The following TVP23C variants were observed in gnomAD, a reference collection of about 807,000 sequenced individuals.
TVP23C encodes the protein trans-golgi network vesicle protein 23 homolog C, also known as Golgi apparatus membrane protein TVP23 homolog C.
TVP23C carries 19 observed loss-of-function variants against 28.7 expected under a neutral mutation model. That is an observed-to-expected ratio of 0.66 (90% CI 0.46 to 0.97). TVP23C has a LOEUF of 0.97. Ranked by LOEUF, TVP23C falls within the 50% of genes least tolerant of loss-of-function variation. The pLI is 0.00. For synonymous variants in TVP23C, 68 were observed against 81.7 expected, an observed-to-expected ratio of 0.83 and a Z score of 0.90; for missense variants, 186 against 241.3, an observed-to-expected ratio of 0.77 and a Z score of 1.52.
chr17:15,539,243 A>T lies in TVP23C; in HGVS notation c.*1169T>A, dbSNP rs1403666123. 3.0e-6 allele frequency: 3 copies of T among 985,152 alleles called. 1 individual carries two copies. In the African/African-American group the frequency reaches 5.2e-5, roughly 17 times the overall value. 61.0% of individuals were successfully genotyped at this position (985,152 alleles called of 1,614,324 possible). A position where few individuals can be genotyped will look rare whatever the true frequency, so the allele number is the denominator to read the frequency against. On this transcript the variant is annotated 3_prime_UTR_variant, in exon 6 of 6. Coordinates refer to ENST00000518321, the MANE Select transcript of TVP23C (RefSeq NM_001135036.2). ...ATTCTCATGTATGTTCGAGTTTAAG[A>T]ATCCCTGTCCTACATAATATCACTT...
intron 5 of TVP23C, among the ~76,000 whole-genome samples, chr17:15,517,759 A>T (rs1237712600): frequency 6.6e-6 from 1 of 152,180 alleles, no homozygotes; most frequent in Non-Finnish European, 1.5e-5. Flanking sequence ...GGTAAGTAAC[A>T]TCCAGATGAC....
In TVP23C at chr17:15,555,279, T is replaced by A. The variant is rs1174877645; in HGVS notation, c.95+3A>T. ...ACACAGCTCATGCAACTTCTCCTCC[T>A]ACCTGATTTTGGCTTTTCTTGGTCT... On this transcript the variant is annotated splice_donor_region_variant and intron_variant, in intron 2 of 5. Coordinates refer to ENST00000518321, the MANE Select transcript of TVP23C (RefSeq NM_001135036.2). 2 of 1,614,014 alleles carry A rather than the reference T, an allele frequency of 1.2e-6. No individual in the cohort carries two copies. The highest frequency in any genetic ancestry group is 4.5e-5 in the East Asian group (2 of 44,880).
At chr17:15,506,860 T>C in intron 5 of TVP23C, 1 of 686,448 alleles carries the variant, frequency 1.5e-6, no homozygotes, top group South Asian at 1.4e-5. Flanking sequence ...GAACACACTA[T>C]CAGCCGTGGT....
intron 5 of TVP23C, among the ~76,000 whole-genome samples, chr17:15,524,743 C>T (rs1240547263): frequency 6.6e-6 from 1 of 152,148 alleles, no homozygotes; most frequent in Non-Finnish European, 1.5e-5. Flanking sequence ...CTCACAGATC[C>T]ACAGTGAAAC....
intron 5 of TVP23C, chr17:15,516,536 T>TGC (rs1982235119): frequency 1.0e-4 from 1 of 9,672 alleles, no homozygotes; most frequent in Non-Finnish European, 3.3e-4. Context: ...GTCCTTCCTC[T>TGC]GTGTGTCTGT....
At chr17:15,516,719 A>C (rs1363825823) in intron 5 of TVP23C, 1 of 152,306 alleles carries the variant, frequency 6.6e-6, no homozygotes, top group African/African-American at 2.4e-5. Context: ...GGGGTGGACA[A>C]TTCATCCCTT....
At chr17:15,563,404 C>G (rs1159115924) in intron 1 of TVP23C, 33 bp downstream of exon 1, 1 of 1,583,200 alleles carries the variant, frequency 6.3e-7, no homozygotes, top group African/African-American at 1.3e-5. Context: ...TCCCAGGAGC[C>G]GCCACCCTCC....
rs569449721 is a variant in TVP23C, at chr17:15,502,732, T to C, written c.*132A>G. ...CTTTCTCTCTCTCCTCTCTCTCTCTTTCTCTCTCCTCTCTCCCGTCTCTTT... is the reference window on the plus strand; with the variant it reads ...CTTTCTCTCTCTCCTCTCTCTCTCTCTCTCTCTCCTCTCTCCCGTCTCTTT... On this transcript the variant is annotated 3_prime_UTR_variant, in exon 6 of 6. Coordinates refer to the TVP23C transcript ENST00000225576. 6,327 of 826,614 alleles carry C rather than the reference T, an allele frequency of 7.7e-3. 228 individuals carry two copies. In the South Asian group the frequency reaches 0.12, roughly 16 times the overall value. The allele number at this position is 826,614 out of a possible 1,614,324, so 51.2% of individuals were successfully genotyped here.
exon 6 of TVP23C, chr17:15,502,522 G>GA (rs1981490029): frequency 4.3e-6 from 1 of 234,258 alleles, no homozygotes; most frequent in Middle Eastern, 1.3e-3. Context: ...GAGCCTTGGG[G>GA]ATCCCCTCCT....
At chr17:15,557,261 T>C (rs1445601163) in intron 1 of TVP23C, among the ~76,000 whole-genome samples, 1 of 148,636 alleles carries the variant, frequency 6.7e-6, no homozygotes, top group African/African-American at 2.4e-5. Context: ...TCCATATAGA[T>C]TAAGCTGCTG....
At chr17:15,507,681 AC>A (rs1981819737) in intron 5 of TVP23C, among the ~76,000 whole-genome samples, 1 of 152,062 alleles carries the variant, frequency 6.6e-6, no homozygotes, top group South Asian at 2.1e-4. Flanking sequence ...TACTAAAAAT[AC>A]AAAAAAATTA....
intron 5 of TVP23C, among the ~76,000 whole-genome samples, chr17:15,514,998 G>T (rs1417829375): frequency 2.0e-5 from 3 of 152,096 alleles, no homozygotes; most frequent in African/African-American, 7.2e-5. Context: ...TGTGCTTTAG[G>T]TTTCCAACAG....
In TVP23C at chr17:15,538,814, A is replaced by C. The variant is rs1282368143; in HGVS notation, c.*1598T>G. The C allele has an allele frequency of 2.9e-5, 29 of 985,412 alleles. No individual in the cohort carries two copies. Among genetic ancestry groups the C allele is most frequent in the Non-Finnish European group, 3.4e-5 (28 of 829,942 alleles). The allele number at this position is 985,412 out of a possible 1,614,324, so 61.0% of individuals were successfully genotyped here. ...TGAAAATTCTAACGAAAAAAACCTA[A>C]TAAGCACATACATGAAAGTTACCCT... On this transcript the variant is annotated 3_prime_UTR_variant, in exon 6 of 6. Transcript: ENST00000518321.
chr17:15,524,812 G>A (rs2150838287), intron 5 of TVP23C, among the ~76,000 whole-genome samples: 1 of 152,234 alleles, frequency 6.6e-6, no homozygotes, highest in African/African-American at 2.4e-5. Flanking sequence ...TTCATCCTAA[G>A]ATACAAGGTT....
At chr17:15,547,473 T>C (rs571927880) in intron 3 of TVP23C, among the ~76,000 whole-genome samples, 2 of 152,334 alleles carry the variant, frequency 1.3e-5, no homozygotes, top group East Asian at 1.9e-4. Flanking sequence ...TACTGTGACC[T>C]ACTTTACATC....
intron 5 of TVP23C, among the ~76,000 whole-genome samples, chr17:15,544,425 T>A (rs1487469371): frequency 1.3e-5 from 2 of 151,888 alleles, no homozygotes; most frequent in East Asian, 3.9e-4. Context: ...AACACAAAAA[T>A]AACATTGGAA....
chr17:15,555,239 C>A (rs368571523), intron 2 of TVP23C, 43 bp downstream of exon 2: 4 of 1,613,486 alleles, frequency 2.5e-6, no homozygotes, highest in Non-Finnish European at 3.4e-6. Flanking sequence ...ACATACAGAA[C>A]AACACTGGAC....
intron 5 of TVP23C, among the ~76,000 whole-genome samples, chr17:15,523,860 G>A (rs4791625): frequency 0.24 from 36,269 of 151,654 alleles, 4,663 homozygotes; most frequent in African/African-American, 0.34. Context: ...TGATCTGCCC[G>A]CCTCGGCCTC....
At chr17:15,528,168 C>T (rs544850885) in intron 5 of TVP23C, among the ~76,000 whole-genome samples, 26 of 152,076 alleles carry the variant, frequency 1.7e-4, no homozygotes, top group Middle Eastern at 3.4e-3. Context: ...GGGTCATCTT[C>T]TAGTTTCTTA....
Sources: allele counts gnomAD v4.1 joint callset (sites outside exome capture counted in the v4.1 genomes callset), GRCh38; gene constraint gnomAD v4.1.1; transcripts MANE v1.5; gene names NCBI Gene and HGNC (gene_info 2026-07-23, HGNC 2026-07-21).